GCSAM: variants seen among roughly 807,000 people sequenced by gnomAD.
GCSAM encodes germinal center-associated signaling and motility protein.
A neutral mutation model predicts 17.6 loss-of-function variants in GCSAM; 8 were observed. The observed-to-expected ratio is 0.46, with a 90% CI of 0.27 to 0.82. The LOEUF (loss-of-function observed/expected upper bound fraction) is 0.82. Among genes scored for constraint, GCSAM ranks in the 40% least tolerant of loss-of-function variants. The pLI is 0.15. For missense variants in GCSAM, 192 were observed against 213.5 expected (o/e 0.90, Z 0.63); for synonymous variants, 68 against 69.0 (o/e 0.98, Z 0.07).
At chr3:112,127,174 G>GT in intron 3 of GCSAM, 141 bp from the exon 4 acceptor site, 2 of 546,816 alleles carry the variant, frequency 3.7e-6, no homozygotes, top group Non-Finnish European at 3.2e-6. Context: ...GATGAGTTAA[G>GT]TAAAAAAGAA....
rs2074195958 is a variant in GCSAM at position 112,121,372 on chromosome 3, A to G, written c.*2083T>C. The G allele has an allele frequency of 6.6e-6, 1 of 152,200 alleles. No individual in the cohort carries two copies. Among genetic ancestry groups the G allele is most frequent in the African/African-American group, 2.4e-5 (1 of 41,440 alleles). 9.4% of individuals were successfully genotyped at this position (152,200 alleles called of 1,614,324 possible). ...AGCATGGTTTTTTTCCGTACATCAT[A>G]AAAGATTTTTGTTTCTCTATGCTCT... On this transcript the variant is annotated 3_prime_UTR_variant, in exon 6 of 6. Transcript: ENST00000308910.
chr3:112,125,997 A>G (rs2074309050), intron 4 of GCSAM, among the ~76,000 whole-genome samples: 2 of 152,202 alleles, frequency 1.3e-5, no homozygotes, highest in South Asian at 2.1e-4. Context: ...GGAAGCTACC[A>G]TATGGTATAT....
chr3:112,127,122 T>C, intron 3 of GCSAM, 89 bp from the exon 4 acceptor site: 2 of 805,364 alleles, frequency 2.5e-6, no homozygotes, highest in South Asian at 1.6e-5. Context: ...TTTTAACTCT[T>C]TGTTAAAGTT....
At chr3:112,125,904 A>AG (rs745366979) in intron 4 of GCSAM, among the ~76,000 whole-genome samples, 53 of 152,200 alleles carry the variant, frequency 3.5e-4, no homozygotes, top group Non-Finnish European at 7.3e-4. Context: ...TTCAGCAAAG[A>AG]GGCAAACTGA....
rs1266169056 is a variant in GCSAM at position 112,121,902 on chromosome 3, C to A, written c.*1553G>T. 6.6e-6 allele frequency: 1 copy of A among 152,180 alleles called. No individual in the cohort carries two copies. The highest frequency in any genetic ancestry group is 1.5e-5 in the Non-Finnish European group (1 of 68,034). 9.4% of individuals were successfully genotyped at this position (152,180 alleles called of 1,614,324 possible). A position where few individuals can be genotyped will look rare whatever the true frequency, so the allele number is the denominator to read the frequency against. On this transcript the variant is annotated 3_prime_UTR_variant, in exon 6 of 6. Coordinates refer to ENST00000308910, the MANE Select transcript of GCSAM (RefSeq NM_152785.5). ...TAACTAAACATAATGTACCAGGTTC[C>A]CTGTCGCTTAGCTGGTCCAAGGGCC... is the stretch of plus-strand genomic sequence containing the variant.
In GCSAM at chr3:112,124,777, A is replaced by G. The variant is rs116196376; in HGVS notation, c.219+449T>C. Reference sequence around the variant, plus strand: ...GAGATAAAAAGCAAAGCAGCAAAGTACAGGGGGAAAAGCATGGATTGTGAA... The same window carrying G: ...GAGATAAAAAGCAAAGCAGCAAAGTGCAGGGGGAAAAGCATGGATTGTGAA... On this transcript the variant is annotated intron_variant, in intron 5 of 5. Coordinates refer to ENST00000308910, the MANE Select transcript of GCSAM (RefSeq NM_152785.5). 6.5e-3 allele frequency among the ~76,000 whole-genome samples: 994 copies of G among 152,296 alleles called. 14 individuals are homozygous for G. The highest frequency in any genetic ancestry group is 0.023 in the African/African-American group (947 of 41,564).
chr3:112,130,058 A>G (rs1212105544), intron 2 of GCSAM: 1 of 181,168 alleles, frequency 5.5e-6, no homozygotes, highest in Non-Finnish European at 1.2e-5. Context: ...TTGTCGTAAC[A>G]TGGGGCATGT....
At position 112,121,684 on chromosome 3, in the gene GCSAM, A is replaced by G. The variant is rs1425689854; in HGVS notation, c.*1771T>C. 1.3e-5 allele frequency: 2 copies of G among 152,222 alleles called. No individual in the cohort carries two copies. Among genetic ancestry groups the G allele is most frequent in the African/African-American group, 2.4e-5 (1 of 41,466 alleles). The allele number at this position is 152,222 out of a possible 1,614,324, so 9.4% of individuals were successfully genotyped here. ...AGTTCCAAGTGAAAGAATTTTGCTA[A>G]AAGTAGGAAGTTAGCAGAGGAAGAG... On this transcript the variant is annotated 3_prime_UTR_variant, in exon 6 of 6. Coordinates refer to ENST00000308910, the MANE Select transcript of GCSAM (RefSeq NM_152785.5).
rs74900249 is a variant in GCSAM at position 112,124,647 on chromosome 3, T to A, written c.219+579A>T. 7.4e-3 allele frequency among the ~76,000 whole-genome samples: 1,134 copies of A among 152,258 alleles called. 14 individuals carry two copies. Among genetic ancestry groups the A allele is most frequent in the African/African-American group, 0.025 (1,039 of 41,564 alleles). ...AATAAATATAAATAATCTTATGATA[T>A]CTTAATGTGTTTTGGCTGTGATATT... On this transcript the variant is annotated intron_variant, in intron 5 of 5. Coordinates refer to ENST00000308910, the MANE Select transcript of GCSAM (RefSeq NM_152785.5).
chr3:112,121,097 A>C lies in GCSAM; in HGVS notation c.*2358T>G, dbSNP rs2074188421. On this transcript the variant is annotated 3_prime_UTR_variant, in exon 6 of 6. Transcript: ENST00000308910. ...CTGTTATAATTACATTATAAGAACA[A>C]CTTTCTTTGGTTAAACATTTATATT... is the stretch of plus-strand genomic sequence containing the variant. 6.6e-6 allele frequency: 1 copy of C among 152,166 alleles called. No homozygotes were observed. Among genetic ancestry groups the C allele is most frequent in the African/African-American group, 2.4e-5 (1 of 41,438 alleles). The allele number at this position is 152,166 out of a possible 1,614,324, so 9.4% of individuals were successfully genotyped here. A position where few individuals can be genotyped will look rare whatever the true frequency, so the allele number is the denominator to read the frequency against.
At chr3:112,130,349 A>G (rs1287505092) in intron 2 of GCSAM, 96 bp downstream of exon 2, 3 of 933,958 alleles carry the variant, frequency 3.2e-6, no homozygotes, top group Admixed American at 1.7e-5. Context: ...TGGTCTAAAC[A>G]GGGCCCTCTC....
At chr3:112,128,281 T>C (rs1314321975) in intron 2 of GCSAM, 2 of 685,208 alleles carry the variant, frequency 2.9e-6, no homozygotes, top group Admixed American at 2.0e-5. Context: ...AGCTTTCTGC[T>C]GTGTTCCCAG....
At chr3:112,128,399 A>G (rs1391723257) in intron 2 of GCSAM, 2 of 423,728 alleles carry the variant, frequency 4.7e-6, no homozygotes, top group African/African-American at 2.0e-5. Flanking sequence ...AAGTGTATGG[A>G]AATTTTACAA....
chr3:112,127,718 C>T (rs551541263), intron 3 of GCSAM, among the ~76,000 whole-genome samples: 16 of 152,296 alleles, frequency 1.1e-4, no homozygotes, highest in Admixed American at 3.3e-4. Context: ...ATGTGTGCTT[C>T]GGAACATGCA....
At chr3:112,126,004 A>G (rs1413816474) in intron 4 of GCSAM, among the ~76,000 whole-genome samples, 2 of 152,246 alleles carry the variant, frequency 1.3e-5, no homozygotes, top group Non-Finnish European at 2.9e-5. Context: ...ACCATATGGT[A>G]TATGGATTGA....
At chr3:112,125,279 G>A (rs775738525) in intron 4 of GCSAM, 25 bp from the exon 5 acceptor site, 65 of 1,530,792 alleles carry the variant, frequency 4.2e-5, no homozygotes, top group Non-Finnish European at 5.8e-5. Flanking sequence ...TACACTCAAT[G>A]AATTTCAGGT....
At chr3:112,130,217 C>G in intron 2 of GCSAM, 1 of 567,866 alleles carries the variant, frequency 1.8e-6, no homozygotes, top group East Asian at 2.9e-5. Flanking sequence ...CTAGCAGGGT[C>G]TTAGTTCCTG....
chr3:112,123,614 A>AGACT lies in GCSAM; in HGVS notation c.377_378insAGTC (p.Glu127ValfsTer2). The AGACT allele has an allele frequency of 6.2e-7, 1 of 1,614,136 alleles. No homozygotes were observed. Among genetic ancestry groups the AGACT allele is most frequent in the South Asian group, 1.1e-5 (1 of 91,082 alleles). ...AAGGCATATGTAGAAGTGAATACTCAGTCTCAGTTCCTCCCAAGGACTCTC... is the reference window on the plus strand; with the variant it reads ...AAGGCATATGTAGAAGTGAATACTCAGACTGTCTCAGTTCCTCCCAAGGACTCTC... On this transcript the variant is annotated frameshift_variant, in exon 6 of 6. Coordinates refer to ENST00000308910, the MANE Select transcript of GCSAM (RefSeq NM_152785.5). LOFTEE classifies it low-confidence loss of function (END_TRUNC).
At chr3:112,130,825 G>C (rs546276283) in intron 1 of GCSAM, 1 of 384,572 alleles carries the variant, frequency 2.6e-6, no homozygotes, top group Non-Finnish European at 4.9e-6. Context: ...CGTGTCCAGA[G>C]AGAGGCCTGA....
Sources: gnomAD v4.1 joint callset for allele counts (sites outside exome capture counted in the v4.1 genomes callset) on GRCh38, gnomAD v4.1.1 for gene constraint, MANE v1.5 for transcripts, NCBI Gene and HGNC (gene_info 2026-07-23, HGNC 2026-07-21) for gene names.